JAK1: variants seen among roughly 807,000 people sequenced by gnomAD.
JAK1 encodes the protein Janus kinase 1.
JAK1 carries 16 observed loss-of-function variants against 136.6 expected under a neutral mutation model. The observed-to-expected ratio is 0.12, with a 90% CI of 0.08 to 0.18. The LOEUF (loss-of-function observed/expected upper bound fraction) is 0.18. Among genes scored for constraint, JAK1 ranks in the 10% least tolerant of loss-of-function variants. JAK1 has a pLI of 1.00. For missense variants in JAK1, 859 were observed against 1,450.1 expected (o/e 0.59, Z 6.62); for synonymous variants, 492 against 519.5 (o/e 0.95, Z 0.72).
chr1:64,855,653 C>A lies in JAK1; in HGVS notation c.1504G>T (p.Val502Leu). The A allele has an allele frequency of 6.2e-7, 1 of 1,614,090 alleles. No homozygotes were observed. The highest frequency in any genetic ancestry group is 8.5e-7 in the Non-Finnish European group (1 of 1,179,990). ...QKQFKNFQIE[V>L]QKGRYSLHGS... ...TGCAGACTGTAGCGGCCCTTCTGCACCTCGATCTGAAAGTTCTTGAACTGC... is the reference window on the plus strand; with the variant it reads ...TGCAGACTGTAGCGGCCCTTCTGCAACTCGATCTGAAAGTTCTTGAACTGC... The change falls in exon 11 of 25, where the codon GTG becomes TTG. Residue 502 changes from valine (V) to leucine (L), a missense_variant. Coordinates refer to ENST00000342505, the MANE Select transcript of JAK1 (RefSeq NM_002227.4).
intron 1 of JAK1, among the ~76,000 whole-genome samples, chr1:64,893,639 A>G (rs1478568314): frequency 6.6e-6 from 1 of 152,238 alleles, no homozygotes; most frequent in Non-Finnish European, 1.5e-5. Flanking sequence ...TAAAATGCTC[A>G]CACCCATTAG....
chr1:64,864,366 A>AT (rs1395900764), intron 8 of JAK1, among the ~76,000 whole-genome samples: 1 of 152,226 alleles, frequency 6.6e-6, no homozygotes, highest in Non-Finnish European at 1.5e-5. Flanking sequence ...CACCATATCG[A>AT]TGACTGCCAC....
intron 8 of JAK1, among the ~76,000 whole-genome samples, 157 bp from the exon 9 acceptor site, chr1:64,860,419 C>CTTATTTATTTATTT (rs1557641713): frequency 1.4e-4 from 10 of 73,878 alleles, no homozygotes; most frequent in African/African-American, 2.4e-4. Flanking sequence ...CCCTTGCATG[C>CTTATTTATTTATTT]ATTTATTTAT....
At chr1:65,024,691 A>G (rs1213773030) in intron 2 of JAK1, among the ~76,000 whole-genome samples, 1 of 151,600 alleles carries the variant, frequency 6.6e-6, no homozygotes, top group Non-Finnish European at 1.5e-5. Flanking sequence ...GAAAGAAAAA[A>G]AAAGGCTAGG....
chr1:64,977,300 C>T (rs1646504887), intron 2 of JAK1, among the ~76,000 whole-genome samples: 1 of 152,218 alleles, frequency 6.6e-6, no homozygotes, highest in East Asian at 1.9e-4. Flanking sequence ...AAGTGCATGC[C>T]ACCACACCCA....
chr1:64,868,131 G>A (rs1656824665), intron 6 of JAK1, among the ~76,000 whole-genome samples: 1 of 152,138 alleles, frequency 6.6e-6, no homozygotes. Context: ...AGATCAACAG[G>A]TAAGCTGAAA....
intron 7 of JAK1, among the ~76,000 whole-genome samples, chr1:64,866,116 T>G (rs1268868889): frequency 1.3e-5 from 2 of 152,196 alleles, no homozygotes; most frequent in African/African-American, 4.8e-5. Flanking sequence ...CTATAATAAT[T>G]TATTCAACAT....
intron 1 of JAK1, among the ~76,000 whole-genome samples, chr1:64,915,254 T>C (rs1020210406): frequency 1.3e-5 from 2 of 152,068 alleles, no homozygotes; most frequent in East Asian, 1.9e-4. Flanking sequence ...GGCTTTTCTG[T>C]TTAAGACCAA....
At chr1:64,855,983 C>G (rs1311029394) in intron 10 of JAK1, among the ~76,000 whole-genome samples, 7 of 152,172 alleles carry the variant, frequency 4.6e-5, no homozygotes, top group Non-Finnish European at 5.9e-5. Flanking sequence ...TGGTTTTTCA[C>G]CTGTAAGATA....
intron 2 of JAK1, among the ~76,000 whole-genome samples, chr1:64,983,266 T>A (rs1010820397): frequency 2.0e-5 from 3 of 152,152 alleles, no homozygotes; most frequent in African/African-American, 7.2e-5. Context: ...CACTGACTCA[T>A]ACTATCTCAA....
chr1:64,966,523 G>A lies in JAK1; in HGVS notation c.-268C>T, dbSNP rs1211340554. 6.7e-5 allele frequency: 10 copies of A among 150,182 alleles called. No homozygotes were observed. The East Asian group carries it at 9.8e-4, about 15-fold the overall frequency. The allele number at this position is 150,182 out of a possible 1,614,324, so 9.3% of individuals were successfully genotyped here. On this transcript the variant is annotated 5_prime_UTR_variant, in exon 1 of 25. Coordinates refer to ENST00000342505, the MANE Select transcript of JAK1 (RefSeq NM_002227.4). ...GTCTGCAGCTCCAGGATACTCCGCG[G>A]CCGCCGCGGCCTGCGCTCAGCGACG...
chr1:64,896,566 G>A (rs1645016146), intron 1 of JAK1, among the ~76,000 whole-genome samples: 1 of 152,138 alleles, frequency 6.6e-6, no homozygotes, highest in Non-Finnish European at 1.5e-5. Context: ...CTTGTTCCAG[G>A]ACATCATTAA....
At chr1:64,997,040 C>T (rs1161603027) in intron 2 of JAK1, among the ~76,000 whole-genome samples, 2 of 152,194 alleles carry the variant, frequency 1.3e-5, no homozygotes, top group Non-Finnish European at 2.9e-5. Context: ...CACCCACTTA[C>T]ATAGTTAAAA....
chr1:64,988,560 C>A (rs1177550425), intron 2 of JAK1, among the ~76,000 whole-genome samples: 6 of 152,026 alleles, frequency 3.9e-5, no homozygotes, highest in Non-Finnish European at 7.4e-5. Context: ...AGGCTTACAG[C>A]CACCAAGTGG....
intron 1 of JAK1, among the ~76,000 whole-genome samples, chr1:64,936,785 T>C (rs1020763865): frequency 6.8e-6 from 1 of 146,192 alleles, no homozygotes; most frequent in Non-Finnish European, 1.5e-5. Flanking sequence ...CTTCCATAAA[T>C]GAAGAGGCTA....
At chr1:64,846,543 G>A (rs1472810134) in intron 14 of JAK1, 106 bp downstream of exon 14, 3 of 781,486 alleles carry the variant, frequency 3.8e-6, no homozygotes, top group South Asian at 3.0e-5. Context: ...CAAAAAGAAA[G>A]GCAAGAAGCC....
intron 1 of JAK1, among the ~76,000 whole-genome samples, chr1:64,908,869 A>G (rs974019): frequency 0.78 from 118,526 of 152,068 alleles, 47,518 homozygotes; most frequent in Non-Finnish European, 0.88. Flanking sequence ...AAGCAAGCGA[A>G]TACTAAATTC....
At chr1:64,959,951 G>A (rs1646252825) in intron 1 of JAK1, among the ~76,000 whole-genome samples, 1 of 152,098 alleles carries the variant, frequency 6.6e-6, no homozygotes, top group Non-Finnish European at 1.5e-5. Context: ...AATAAGCCAG[G>A]CATGGTGGTT....
intron 1 of JAK1, among the ~76,000 whole-genome samples, chr1:64,915,785 G>C (rs751827996): frequency 6.6e-6 from 1 of 152,184 alleles, no homozygotes; most frequent in Non-Finnish European, 1.5e-5. Flanking sequence ...TTTCTGGAAA[G>C]GATAAGACAA....
Sources: gnomAD v4.1 joint callset for allele counts (sites outside exome capture counted in the v4.1 genomes callset) on GRCh38, gnomAD v4.1.1 for gene constraint, MANE v1.5 for transcripts, NCBI Gene and HGNC (gene_info 2026-07-23, HGNC 2026-07-21) for gene names.